EHMT1: variants seen among roughly 807,000 people sequenced by gnomAD.
EHMT1 encodes euchromatic histone lysine methyltransferase 1.
In EHMT1, 15 loss-of-function variants were observed where a neutral mutation model predicts 147.2. That is an observed-to-expected ratio of 0.10 (90% confidence interval 0.07 to 0.16). EHMT1 has a LOEUF of 0.16. Among genes scored for constraint, EHMT1 ranks in the 10% least tolerant of loss-of-function variants. The probability of loss-of-function intolerance (pLI) is 1.00; values close to 1 mark genes in which losing one functional copy is unlikely to be tolerated. For missense variants in EHMT1, 1,587 were observed against 1,772.4 expected (o/e 0.90, Z 1.88); for synonymous variants, 795 against 709.6 (o/e 1.12, Z -1.91).
chr9:137,751,835 A>T (rs1948993643), intron 6 of EHMT1, among the ~76,000 whole-genome samples: 1 of 152,230 alleles, frequency 6.6e-6, no homozygotes, highest in African/African-American at 2.4e-5. Flanking sequence ...GGCGTGGGCA[A>T]CTTAGCTGTG....
At chr9:137,784,207 A>G in intron 15 of EHMT1, 2 of 1,549,860 alleles carry the variant, frequency 1.3e-6, no homozygotes, top group Admixed American at 3.9e-5. Flanking sequence ...CGCCAAGAGG[A>G]AGATGCTCCA....
At chr9:137,762,257 A>G (rs1263770286) in intron 9 of EHMT1, among the ~76,000 whole-genome samples, 1 of 142,976 alleles carries the variant, frequency 7.0e-6, no homozygotes, top group African/African-American at 2.7e-5. Context: ...AACCTTCCAA[A>G]CTGATTTTTT....
At chr9:137,820,978 C>T (rs1468241933) in intron 25 of EHMT1, among the ~76,000 whole-genome samples, 3 of 152,164 alleles carry the variant, frequency 2.0e-5, no homozygotes, top group Non-Finnish European at 4.4e-5. Context: ...CCCAGGTTCA[C>T]GCCATTCTCC....
At chr9:137,730,815 A>G in intron 4 of EHMT1, among the ~76,000 whole-genome samples, 1 of 152,246 alleles carries the variant, frequency 6.6e-6, no homozygotes. Flanking sequence ...CAGGGCCGGA[A>G]TCGGCTTTCT....
intron 10 of EHMT1, chr9:137,763,119 A>G (rs1949961228): frequency 1.7e-6 from 1 of 587,378 alleles, no homozygotes; most frequent in African/African-American, 1.9e-5. Flanking sequence ...CTACCTTGCT[A>G]TAAACAAAGT....
At chr9:137,832,374 G>A (rs919422467) in intron 25 of EHMT1, among the ~76,000 whole-genome samples, 1 of 146,346 alleles carries the variant, frequency 6.8e-6, no homozygotes, top group African/African-American at 2.6e-5. Context: ...TCCCGTCCTA[G>A]AATTGGCTGG....
At chr9:137,811,409 C>T in intron 18 of EHMT1, 52 bp from the exon 19 acceptor site, 1 of 1,608,196 alleles carries the variant, frequency 6.2e-7, no homozygotes. Context: ...CCAGCCCCAG[C>T]ACTGTGAGCC....
chr9:137,788,706 C>T (rs2137048364), intron 15 of EHMT1: 1 of 152,242 alleles, frequency 6.6e-6, no homozygotes, highest in Admixed American at 6.5e-5. Context: ...GGAGGCGGAC[C>T]GCGATGGGTA....
intron 18 of EHMT1, among the ~76,000 whole-genome samples, chr9:137,810,270 G>A (rs1225458234): frequency 6.6e-6 from 1 of 152,208 alleles, no homozygotes; most frequent in Non-Finnish European, 1.5e-5. Context: ...GTCCGGAGGC[G>A]GTTCCGATGC....
chr9:137,723,083 T>A (rs373602090), intron 3 of EHMT1, among the ~76,000 whole-genome samples: 3 of 81,282 alleles, frequency 3.7e-5, no homozygotes, highest in Admixed American at 1.4e-4. Flanking sequence ...TGTCTGTGTC[T>A]GTGGTTCTGG....
At chr9:137,780,964 T>C (rs185055557) in intron 14 of EHMT1, among the ~76,000 whole-genome samples, 3,188 of 61,284 alleles carry the variant, frequency 0.052, 486 homozygotes, top group Admixed American at 0.13. Flanking sequence ...GTGATGACGC[T>C]GAGACGTGTG....
chr9:137,799,131 T>C (rs1205280568), intron 17 of EHMT1, among the ~76,000 whole-genome samples: 1 of 99,108 alleles, frequency 1.0e-5, no homozygotes, highest in Non-Finnish European at 2.2e-5. Flanking sequence ...CCCTCCAGCG[T>C]CCTCTTCCAC....
Position 137,717,165 on chromosome 9 carries a change from A to C in EHMT1, c.625A>C (p.Lys209Gln). 1 of 1,612,270 alleles carries C rather than the reference A, an allele frequency of 6.2e-7. No individual in the cohort carries two copies. Among genetic ancestry groups the C allele is most frequent in the South Asian group, 1.1e-5 (1 of 91,080 alleles). The change falls in exon 3 of 27, where the codon AAG becomes CAG. Residue 209 changes from lysine to glutamine, a missense_variant. Coordinates refer to ENST00000460843, the MANE Select transcript of EHMT1 (RefSeq NM_024757.5). Reference sequence around the variant, plus strand: ...CCACAGGGCACGCAAGACCATGCCGAAGTCCGTCGTGGGCCTGGTAATTTT... The same window carrying C: ...CCACAGGGCACGCAAGACCATGCCGCAGTCCGTCGTGGGCCTGGTAATTTT... ...KVHRARKTMP[K>Q]SVVGLHAASK...
intron 9 of EHMT1, among the ~76,000 whole-genome samples, chr9:137,758,264 A>G (rs1198485687): frequency 1.3e-5 from 2 of 152,242 alleles, no homozygotes; most frequent in South Asian, 2.1e-4. Context: ...CGTGGCGGTC[A>G]TCTCCCTCCG....
chr9:137,635,968 C>G (rs1165810616), intron 1 of EHMT1, among the ~76,000 whole-genome samples: 1 of 151,410 alleles, frequency 6.6e-6, no homozygotes, highest in African/African-American at 2.4e-5. Context: ...GTCGCCCAGG[C>G]TAGAGTGCAG....
chr9:137,675,204 A>T (rs944198516), intron 1 of EHMT1: 2 of 152,214 alleles, frequency 1.3e-5, no homozygotes, highest in Non-Finnish European at 2.9e-5. Context: ...TTTTTAAAGA[A>T]GATGATGGTA....
intron 1 of EHMT1, among the ~76,000 whole-genome samples, chr9:137,655,900 G>T (rs1938389550): frequency 6.6e-6 from 1 of 152,120 alleles, no homozygotes; most frequent in Non-Finnish European, 1.5e-5. Flanking sequence ...AAAGGTTGGG[G>T]ACCACTGTTT....
chr9:137,694,077 C>T (rs1461858538), intron 1 of EHMT1, among the ~76,000 whole-genome samples: 1 of 81,032 alleles, frequency 1.2e-5, no homozygotes, highest in Non-Finnish European at 2.4e-5. Context: ...GGACGCTGGC[C>T]GATACCCCCC....
chr9:137,718,994 C>A (rs1391084818), intron 3 of EHMT1, among the ~76,000 whole-genome samples: 1 of 152,026 alleles, frequency 6.6e-6, no homozygotes, highest in South Asian at 2.1e-4. Context: ...CTCAGGTGAT[C>A]CATGCGCCTC....
Sources: gnomAD v4.1 joint callset for allele counts (sites outside exome capture counted in the v4.1 genomes callset) on GRCh38, gnomAD v4.1.1 for gene constraint, MANE v1.5 for transcripts, NCBI Gene and HGNC (gene_info 2026-07-23, HGNC 2026-07-21) for gene names.